USP4: variants seen among roughly 807,000 people sequenced by gnomAD.
USP4 encodes ubiquitin carboxyl-terminal hydrolase 4.
USP4 carries 72 observed loss-of-function variants against 118.2 expected under a neutral mutation model. The observed-to-expected ratio is 0.61, with a 90% CI of 0.50 to 0.74. The LOEUF (loss-of-function observed/expected upper bound fraction) is 0.74. Among genes scored for constraint, USP4 ranks in the 30% least tolerant of loss-of-function variants. The pLI is 0.00. For synonymous variants in USP4, 415 were observed against 440.4 expected, an observed-to-expected ratio of 0.94 and a Z score of 0.72; for missense variants, 1,037 against 1,185.7, an observed-to-expected ratio of 0.87 and a Z score of 1.84.
chr3:49,280,223 C>T (rs1212379547), intron 20 of USP4, among the ~76,000 whole-genome samples: 4 of 151,722 alleles, frequency 2.6e-5, no homozygotes, highest in Non-Finnish European at 4.4e-5. Flanking sequence ...GAGACTGCGC[C>T]ACTGCTTTCC....
At chr3:49,330,520 A>T (rs1430770152) in intron 2 of USP4, among the ~76,000 whole-genome samples, 1 of 151,696 alleles carries the variant, frequency 6.6e-6, no homozygotes, top group Non-Finnish European at 1.5e-5. Context: ...TTTAATAGAG[A>T]CAGGGTTTCA....
At chr3:49,321,543 G>A (rs528223764) in intron 6 of USP4, among the ~76,000 whole-genome samples, 5 of 150,754 alleles carry the variant, frequency 3.3e-5, no homozygotes, top group African/African-American at 4.9e-5. Flanking sequence ...GCAGTGGCAC[G>A]ATCTAGGCTC....
At chr3:49,339,823 A>G in intron 1 of USP4, 101 bp downstream of exon 1, 1 of 935,458 alleles carries the variant, frequency 1.1e-6, no homozygotes, top group Non-Finnish European at 1.7e-6. Context: ...CAGGGTCACT[A>G]CATACCATCC....
chr3:49,317,253 G>A (rs748012273), intron 6 of USP4: 14 of 1,541,864 alleles, frequency 9.1e-6, no homozygotes, highest in African/African-American at 1.4e-5. Flanking sequence ...AGGCAATCTT[G>A]CGTGCCAGGT....
At chr3:49,281,962 G>C (rs1357413912) in intron 19 of USP4, among the ~76,000 whole-genome samples, 2 of 151,834 alleles carry the variant, frequency 1.3e-5, no homozygotes, top group African/African-American at 4.8e-5. Flanking sequence ...AGTGAGCCGA[G>C]ATCGCACCAC....
intron 11 of USP4, 112 bp from the exon 12 acceptor site, chr3:49,298,747 G>T: frequency 1.1e-6 from 1 of 907,836 alleles, no homozygotes; most frequent in Non-Finnish European, 1.8e-6. Flanking sequence ...AACAATGTAT[G>T]GTGAGGTCAG....
chr3:49,335,621 T>G (rs1406598846), intron 1 of USP4, 25 bp from the exon 2 acceptor site: 1 of 1,612,584 alleles, frequency 6.2e-7, no homozygotes, highest in African/African-American at 1.3e-5. Context: ...AAATTTACTG[T>G]AGCAGAAAAG....
At chr3:49,335,363 T>C in intron 2 of USP4, 106 bp downstream of exon 2, 2 of 1,459,858 alleles carry the variant, frequency 1.4e-6, no homozygotes, top group Non-Finnish European at 1.9e-6. Flanking sequence ...TACTTGTTTC[T>C]ATCTCCTCAC....
intron 6 of USP4, among the ~76,000 whole-genome samples, chr3:49,314,267 G>A (rs2047413771): frequency 6.6e-6 from 1 of 152,106 alleles, no homozygotes; most frequent in South Asian, 2.1e-4. Flanking sequence ...CCTGAACTGA[G>A]GTTTGCTCCA....
At chr3:49,337,649 C>T (rs751203975) in intron 1 of USP4, among the ~76,000 whole-genome samples, 27 of 151,786 alleles carry the variant, frequency 1.8e-4, no homozygotes, top group African/African-American at 6.5e-4. Context: ...GTTGCCCAGG[C>T]TGGTCTTGAA....
intron 2 of USP4, among the ~76,000 whole-genome samples, chr3:49,332,115 A>G (rs894216624): frequency 3.3e-5 from 5 of 151,912 alleles, no homozygotes; most frequent in South Asian, 2.1e-4. Flanking sequence ...TTTACTAAAA[A>G]TACAAAAAAA....
intron 10 of USP4, among the ~76,000 whole-genome samples, chr3:49,301,603 G>A (rs1460215116): frequency 2.0e-5 from 3 of 151,994 alleles, no homozygotes; most frequent in Admixed American, 6.6e-5. Context: ...CAGGAGAATC[G>A]CTTGAACCCG....
In USP4 at chr3:49,327,675, A is replaced by T. The variant is rs781220376; in HGVS notation, c.360+11T>A. ...CAGTGACCAGCAGGTGGGACAATTC[A>T]CATAACTCACTTTTCTGACGATGGG... On this transcript the variant is annotated intron_variant, in intron 3 of 21. Transcript: ENST00000265560. 1 of 1,614,024 alleles carries T rather than the reference A, an allele frequency of 6.2e-7. No individual in the cohort carries two copies. Among genetic ancestry groups the T allele is most frequent in the Non-Finnish European group, 8.5e-7 (1 of 1,179,946 alleles).
At chr3:49,333,789 G>A (rs575823179) in intron 2 of USP4, among the ~76,000 whole-genome samples, 2 of 152,318 alleles carry the variant, frequency 1.3e-5, no homozygotes, top group South Asian at 4.1e-4. Flanking sequence ...TGTAATCCCA[G>A]CACTTTGGGA....
intron 2 of USP4, among the ~76,000 whole-genome samples, chr3:49,330,094 C>G (rs1398349558): frequency 1.8e-4 from 27 of 151,946 alleles, no homozygotes; most frequent in Admixed American, 1.7e-3. Context: ...TTGCTTGAAC[C>G]TGGGAGGGAG....
intron 4 of USP4, 100 bp from the exon 5 acceptor site, chr3:49,325,139 A>C: frequency 8.9e-6 from 13 of 1,465,254 alleles, no homozygotes; most frequent in African/African-American, 1.4e-5. Context: ...TCAGATGCTC[A>C]CAGGTGCTCT....
Position 49,284,425 on chromosome 3 carries a change from G to T in USP4, c.2390+41C>A, listed in dbSNP as rs370588897. 3.3e-5 allele frequency: 50 copies of T among 1,525,178 alleles called. No individual in the cohort carries two copies. In the South Asian group the frequency reaches 4.8e-4, roughly 15 times the overall value. 94.5% of individuals were successfully genotyped at this position (1,525,178 alleles called of 1,614,324 possible). On this transcript the variant is annotated intron_variant, in intron 18 of 21. Transcript: ENST00000265560. ...TGGCCCTAGCAGATCTGAGTCCTGG[G>T]GTGCATGGGGCCTCTGCCCAGACAG...
chr3:49,283,380 T>C (rs549984750), intron 19 of USP4, among the ~76,000 whole-genome samples: 5 of 151,932 alleles, frequency 3.3e-5, no homozygotes, highest in Admixed American at 1.3e-4. Flanking sequence ...CAGGCTGGTT[T>C]TGAACTCCTA....
At chr3:49,335,690 G>C (rs2047661839) in intron 1 of USP4, 94 bp from the exon 2 acceptor site, 2 of 1,463,070 alleles carry the variant, frequency 1.4e-6, no homozygotes, top group South Asian at 2.3e-5. Flanking sequence ...CTTCCACTTG[G>C]GGCATATGCA....
Sources: allele counts gnomAD v4.1 joint callset (sites outside exome capture counted in the v4.1 genomes callset), GRCh38; gene constraint gnomAD v4.1.1; transcripts MANE v1.5; gene names NCBI Gene and HGNC (gene_info 2026-07-23, HGNC 2026-07-21).